The following IQCK variants were observed in gnomAD, a reference collection of about 807,000 sequenced individuals.
The protein encoded by IQCK is IQ domain-containing protein K.
Under a neutral mutation model 28.1 loss-of-function variants are expected in IQCK, and 29 were observed. The ratio of observed to expected loss-of-function variants is 1.03; its 90% CI spans 0.77 to 1.41. IQCK has a LOEUF of 1.41. Among genes scored for constraint, IQCK ranks in the 40% most tolerant of loss-of-function variants. The probability of loss-of-function intolerance (pLI) is 0.00; values close to 1 mark genes in which losing one functional copy is unlikely to be tolerated. For synonymous variants in IQCK, 113 were observed against 115.1 expected (o/e 0.98, Z 0.12); for missense variants, 359 against 314.7 (o/e 1.14, Z -1.07).
chr16:19,767,149 C>T (rs900290369), intron 6 of IQCK, among the ~76,000 whole-genome samples: 1 of 152,160 alleles, frequency 6.6e-6, no homozygotes, highest in Admixed American at 6.5e-5. Context: ...TTGTCGGGCT[C>T]CCACCCGATG....
intron 4 of IQCK, among the ~76,000 whole-genome samples, chr16:19,753,325 CT>C (rs1469110615): frequency 6.6e-6 from 1 of 152,056 alleles, no homozygotes; most frequent in Admixed American, 6.6e-5. Context: ...ACTCAGGAAG[CT>C]GAGGCAGGAA....
chr16:19,798,344 G>C (rs1366934908), intron 7 of IQCK, among the ~76,000 whole-genome samples: 1 of 115,932 alleles, frequency 8.6e-6, no homozygotes, highest in Non-Finnish European at 1.5e-5. Flanking sequence ...CTTGAATCCA[G>C]GAGGAGGAAG....
At position 19,858,381 on chromosome 16, in the gene IQCK, T is replaced by A. The variant is rs2056590264; in HGVS notation, c.*1833T>A. 1.6e-5 allele frequency: 8 copies of A among 495,068 alleles called. No individual in the cohort carries two copies. In the South Asian group the frequency reaches 2.5e-4, roughly 16 times the overall value. 30.7% of individuals were successfully genotyped at this position (495,068 alleles called of 1,614,324 possible). On this transcript the variant is annotated 3_prime_UTR_variant, in exon 10 of 10. Transcript: ENST00000320394. ...CATGGCTCAAAGATGGCTCTGTTCT[T>A]ATGCTGGGGAAGCACGACTTTCCAT...
intron 7 of IQCK, among the ~76,000 whole-genome samples, chr16:19,812,123 G>T (rs1251751041): frequency 1.3e-5 from 2 of 151,954 alleles, no homozygotes; most frequent in African/African-American, 4.8e-5. Flanking sequence ...CAGTGGCTGG[G>T]ATTACAGGCG....
chr16:19,812,132 C>T (rs1035619948), intron 7 of IQCK, among the ~76,000 whole-genome samples: 4 of 151,998 alleles, frequency 2.6e-5, no homozygotes, highest in African/African-American at 7.2e-5. Context: ...GGATTACAGG[C>T]GTGCACCACC....
intron 6 of IQCK, among the ~76,000 whole-genome samples, chr16:19,769,580 G>T (rs1468939548): frequency 6.6e-6 from 1 of 152,232 alleles, no homozygotes; most frequent in Non-Finnish European, 1.5e-5. Context: ...CTCCTGGAGT[G>T]TGTGAGGACA....
At chr16:19,733,179 C>A (rs1036745579) in intron 2 of IQCK, among the ~76,000 whole-genome samples, 1 of 151,818 alleles carries the variant, frequency 6.6e-6, no homozygotes, top group Non-Finnish European at 1.5e-5. Flanking sequence ...CTCTTGCTGC[C>A]CAGGCTAGAG....
intron 6 of IQCK, among the ~76,000 whole-genome samples, chr16:19,776,125 C>T (rs1289789360): frequency 3.3e-5 from 5 of 152,024 alleles, no homozygotes; most frequent in Admixed American, 3.3e-4. Flanking sequence ...AGGTGATCCA[C>T]CTGCCTCGGC....
At chr16:19,822,253 G>A (rs1309174614) in intron 7 of IQCK, among the ~76,000 whole-genome samples, 1 of 151,380 alleles carries the variant, frequency 6.6e-6, no homozygotes, top group Non-Finnish European at 1.5e-5. Context: ...GGGCGTGGTG[G>A]CAGGTGCCTG....
At chr16:19,830,381 G>A (rs1356344521), downstream of IQCK, among the ~76,000 whole-genome samples, 2 of 152,186 alleles carry the variant, frequency 1.3e-5, no homozygotes, top group African/African-American at 4.8e-5. Context: ...TGGAGTTCAT[G>A]CTTTTATCCA....
intron 7 of IQCK, among the ~76,000 whole-genome samples, chr16:19,815,257 C>T (rs1395070025): frequency 1.3e-5 from 2 of 152,134 alleles, no homozygotes; most frequent in Non-Finnish European, 2.9e-5. Context: ...TCCCTGAAAG[C>T]CCCAAGTAAC....
chr16:19,856,617 T>C (rs368924693), exon 10 of IQCK: 806 of 1,242,722 alleles, frequency 6.5e-4, no homozygotes, highest in Non-Finnish European at 8.7e-4. Flanking sequence ...GTCCAAATGA[T>C]GCTCTCTCTC....
chr16:19,745,083 G>A (rs1395456600), intron 4 of IQCK, among the ~76,000 whole-genome samples: 1 of 152,052 alleles, frequency 6.6e-6, no homozygotes, highest in Non-Finnish European at 1.5e-5. Context: ...AATATTTTGG[G>A]TATATTAAAA....
At chr16:19,812,133 G>A (rs891795609) in intron 7 of IQCK, among the ~76,000 whole-genome samples, 2 of 151,908 alleles carry the variant, frequency 1.3e-5, no homozygotes, top group African/African-American at 4.8e-5. Context: ...GATTACAGGC[G>A]TGCACCACCA....
chr16:19,718,334 C>A (rs1567527250), exon 1 of IQCK: 1 of 1,609,908 alleles, frequency 6.2e-7, no homozygotes, highest in African/African-American at 1.3e-5. Flanking sequence ...AATCCCCAGC[C>A]ACATAGTGCG....
intron 9 of IQCK, among the ~76,000 whole-genome samples, chr16:19,852,066 G>T (rs1337243231): frequency 6.6e-6 from 1 of 152,042 alleles, no homozygotes; most frequent in African/African-American, 2.4e-5. Context: ...GGTCTCTATG[G>T]TAATAAGATT....
rs2056139235 is a variant in IQCK, at chr16:19,825,662, GAAAAT to G, written c.691-1359_691-1355del. Among the ~76,000 whole-genome samples the G allele has an allele frequency of 2.0e-5, 3 of 151,998 alleles. No homozygotes were observed. Among genetic ancestry groups the G allele is most frequent in the African/African-American group, 7.2e-5 (3 of 41,402 alleles). On this transcript the variant is annotated intron_variant, in intron 7 of 7. Transcript: ENST00000564186. The surrounding 1 kb of genome is among the most constrained non-coding windows in gnomAD (Gnocchi z 4.2). ...CAAGACTCTTTCTCTACAAAATAAA[GAAAAT>G]AAAAAATGAAATAAAATTTGTAAGA...
intron 9 of IQCK, among the ~76,000 whole-genome samples, chr16:19,832,895 A>G (rs1044726383): frequency 6.6e-6 from 1 of 152,108 alleles, no homozygotes; most frequent in African/African-American, 2.4e-5. Context: ...CTCACTCACT[A>G]TCATAAGAAC....
chr16:19,857,223 C>T (rs773832981), exon 10 of IQCK: 6 of 270,002 alleles, frequency 2.2e-5, no homozygotes, highest in African/African-American at 4.7e-5. Context: ...TGCCACAGAC[C>T]GACCCTCAAG....
Sources: allele counts gnomAD v4.1 joint callset (sites outside exome capture counted in the v4.1 genomes callset), GRCh38; gene constraint gnomAD v4.1.1; non-coding constraint Gnocchi (gnomAD v3.1); transcripts MANE v1.5; gene names NCBI Gene and HGNC (gene_info 2026-07-23, HGNC 2026-07-21).